CIB2: variants seen among roughly 807,000 people sequenced by gnomAD.
CIB2 encodes calcium and integrin binding family member 2.
In CIB2, 19 loss-of-function variants were observed where a neutral mutation model predicts 23.1. The observed-to-expected ratio is 0.82, with a 90% CI of 0.57 to 1.21. CIB2 has a LOEUF of 1.21. CIB2 is among the 50% of genes most tolerant of loss of function. The pLI is 0.00. For missense variants in CIB2, 220 were observed against 241.5 expected, an observed-to-expected ratio of 0.91 and a Z score of 0.59; for synonymous variants, 94 against 91.7, an observed-to-expected ratio of 1.03 and a Z score of -0.14.
intron 2 of CIB2, among the ~76,000 whole-genome samples, chr15:78,118,157 A>AT (rs200124846): frequency 7.2e-5 from 11 of 152,198 alleles, no homozygotes; most frequent in East Asian, 1.9e-4. Context: ...GTATAATCCC[A>AT]TTTTTTTTAA....
chr15:78,107,978 C>G (rs1217399805), intron 4 of CIB2, among the ~76,000 whole-genome samples: 1 of 152,034 alleles, frequency 6.6e-6, no homozygotes, highest in Non-Finnish European at 1.5e-5. Context: ...TCGAGACCAG[C>G]CTGACCAACA....
At chr15:78,120,680 G>C in intron 2 of CIB2, 5 of 985,526 alleles carry the variant, frequency 5.1e-6, no homozygotes, top group Non-Finnish European at 4.8e-6. Context: ...GGGCAGGGCA[G>C]AGGGAAGGAG....
chr15:78,105,266 G>T lies in CIB2; in HGVS notation c.*45C>A. ...GGAGGCCACACCCATGTGACTGCAG[G>T]GCAGGATGGTGGACTTCTAGGCCCC... On this transcript the variant is annotated 3_prime_UTR_variant, in exon 6 of 6. Coordinates refer to ENST00000258930, the MANE Select transcript of CIB2 (RefSeq NM_006383.4). 1 of 1,613,132 alleles carries T rather than the reference G, an allele frequency of 6.2e-7. No individual in the cohort carries two copies. The highest frequency in any genetic ancestry group is 8.5e-7 in the Non-Finnish European group (1 of 1,179,488).
chr15:78,112,372 G>A (rs1386672266), intron 2 of CIB2, among the ~76,000 whole-genome samples: 1 of 152,040 alleles, frequency 6.6e-6, no homozygotes, highest in Non-Finnish European at 1.5e-5. Flanking sequence ...TTTGAGACCA[G>A]CCTAGGCAAC....
Position 78,123,749 on chromosome 15 carries a change from G to T in CIB2, c.52-10C>A. The stretch of plus-strand genomic sequence containing the variant: ...TGAAGAAGGTGCAGTCCTGTTGAGG[G>T]AAAACACACAACACACAGTCAGTGT... On this transcript the variant is annotated splice_polypyrimidine_tract_variant and intron_variant, in intron 1 of 5. Coordinates refer to ENST00000258930, the MANE Select transcript of CIB2 (RefSeq NM_006383.4). The T allele has an allele frequency of 6.2e-7, 1 of 1,614,088 alleles. No individual in the cohort carries two copies.
intron 1 of CIB2, among the ~76,000 whole-genome samples, chr15:78,127,572 C>T (rs1174931773): frequency 6.6e-6 from 1 of 152,202 alleles, no homozygotes. Flanking sequence ...GGAGTGCCCT[C>T]TCCTCTTTCT....
intron 2 of CIB2, among the ~76,000 whole-genome samples, chr15:78,123,166 T>C (rs2074341245): frequency 6.6e-6 from 1 of 152,134 alleles, no homozygotes; most frequent in South Asian, 2.1e-4. Flanking sequence ...CCCTGATGAA[T>C]AGCTCAGGGG....
intron 1 of CIB2, 128 bp from the exon 2 acceptor site, chr15:78,123,867 C>G: frequency 9.5e-7 from 1 of 1,049,112 alleles, no homozygotes; most frequent in Non-Finnish European, 1.5e-6. Flanking sequence ...ACTACTATCC[C>G]TTTCCACCTT....
At chr15:78,110,742 T>C in intron 3 of CIB2, 1 of 456,260 alleles carries the variant, frequency 2.2e-6, no homozygotes, top group Non-Finnish European at 4.4e-6. Context: ...CCCTGGGGAG[T>C]TTAAAATTAA....
chr15:78,131,311 AG>A lies in CIB2; in HGVS notation c.-97del. 1.6e-5 allele frequency: 17 copies of A among 1,035,266 alleles called. No homozygotes were observed. The highest frequency in any genetic ancestry group is 2.0e-5 in the Non-Finnish European group (17 of 835,006). 64.1% of individuals were successfully genotyped at this position (1,035,266 alleles called of 1,614,324 possible). A position where few individuals can be genotyped will look rare whatever the true frequency, so the allele number is the denominator to read the frequency against. ...GCGCCCCGTGCCCGCGGCCCTCGGC[AG>A]CCCCGCGGCTGGCAGCGGCCCACGG... On this transcript the variant is annotated 5_prime_UTR_variant, in exon 1 of 6. Coordinates refer to ENST00000258930, the MANE Select transcript of CIB2 (RefSeq NM_006383.4). This position sits in a 1 kb window ranked among gnomAD's most constrained non-coding sequence, Gnocchi z 5.8.
At chr15:78,106,792 A>G (rs1050550168) in intron 4 of CIB2, among the ~76,000 whole-genome samples, 2 of 152,034 alleles carry the variant, frequency 1.3e-5, no homozygotes, top group African/African-American at 4.8e-5. Flanking sequence ...CCCGCAAATG[A>G]GCTTCTGTTG....
chr15:78,111,380 G>C (rs774928839), intron 2 of CIB2, 104 bp from the exon 3 acceptor site: 52 of 879,336 alleles, frequency 5.9e-5, no homozygotes, highest in Non-Finnish European at 7.7e-5. Context: ...AACATCCTCA[G>C]CCAGGACCAG....
rs554518246 is a variant in CIB2 at position 78,124,576 on chromosome 15, G to A, written c.52-837C>T. Among the ~76,000 whole-genome samples the A allele has an allele frequency of 2.0e-5, 3 of 152,280 alleles. No individual in the cohort carries two copies. In the South Asian group the frequency reaches 6.2e-4, roughly 32 times the overall value. ...GACAATGGCCACTATGCCAGCCCTT[G>A]GTGAAAAGTATAGAGGTGAAGAGGA... On this transcript the variant is annotated intron_variant, in intron 1 of 5. Transcript: ENST00000258930.
intron 2 of CIB2, 24 bp from the exon 3 acceptor site, chr15:78,111,300 C>G (rs774969149): frequency 6.3e-7 from 1 of 1,593,588 alleles, no homozygotes; most frequent in Admixed American, 1.7e-5. Flanking sequence ...AGAGAAAAAG[C>G]GCTGGAGGGG....
At chr15:78,107,192 A>G (rs1353218641) in intron 4 of CIB2, among the ~76,000 whole-genome samples, 2 of 152,130 alleles carry the variant, frequency 1.3e-5, no homozygotes, top group Non-Finnish European at 2.9e-5. Flanking sequence ...CTGAGATCGC[A>G]CCACTGCACT....
At position 78,104,672 on chromosome 15, in the gene CIB2, CAGG is replaced by C. The variant is rs2074038778; in HGVS notation, c.*636_*638del. 6.5e-6 allele frequency: 1 copy of C among 153,362 alleles called. No individual in the cohort carries two copies. Among genetic ancestry groups the C allele is most frequent in the Non-Finnish European group, 1.5e-5 (1 of 68,600 alleles). 9.5% of individuals were successfully genotyped at this position (153,362 alleles called of 1,614,324 possible). The stretch of plus-strand genomic sequence containing the variant: ...AAGGGATGCAAAAGTGTTTTACTAC[CAGG>C]AGTTCACAAATCTGTGGACAGCACA... On this transcript the variant is annotated 3_prime_UTR_variant, in exon 6 of 6. Transcript: ENST00000258930. The surrounding 1 kb of genome is among the most constrained non-coding windows in gnomAD (Gnocchi z 4.4).
In CIB2 at chr15:78,105,753, G is replaced by A. The variant is rs1444935488; in HGVS notation, c.528C>T (p.Ala176=). The A allele has an allele frequency of 2.5e-6, 4 of 1,614,108 alleles. No individual in the cohort carries two copies. In the South Asian group the frequency reaches 3.3e-5, roughly 13 times the overall value. Residue 176 remains alanine (A), a synonymous_variant, in exon 5 of 6, where the codon GCC becomes GCT. Transcript: ENST00000258930. ...AGTGGCAGCACCTGAGGAAGTCAGG[G>A]GCCTTGGCAATCATGTCCTCGAAGT... is the stretch of plus-strand genomic sequence containing the variant. ...FADFEDMIAK[A]PDFLSTFHIR... is the part of the protein sequence containing the mutation.
chr15:78,107,010 C>T (rs1275216019), intron 4 of CIB2, among the ~76,000 whole-genome samples: 4 of 151,754 alleles, frequency 2.6e-5, no homozygotes, highest in East Asian at 1.9e-4. Flanking sequence ...GGGTGGATCA[C>T]GAGGCCAGGA....
intron 4 of CIB2, 43 bp downstream of exon 4, chr15:78,109,192 T>TCCC (rs3214707): frequency 4.4e-5 from 55 of 1,242,420 alleles, no homozygotes; most frequent in African/African-American, 4.1e-4. Flanking sequence ...CCCCACATGT[T>TCCC]CCCCCACCGC....
Sources: allele counts gnomAD v4.1 joint callset (sites outside exome capture counted in the v4.1 genomes callset), GRCh38; gene constraint gnomAD v4.1.1; non-coding constraint Gnocchi (gnomAD v3.1); transcripts MANE v1.5; gene names NCBI Gene and HGNC (gene_info 2026-07-23, HGNC 2026-07-21).